VPS13C: variants seen among roughly 807,000 people sequenced by gnomAD.
VPS13C encodes vacuolar protein sorting 13 homolog C, also known as intermembrane lipid transfer protein VPS13C.
In VPS13C, 358 loss-of-function variants were observed where a neutral mutation model predicts 456.8. The ratio of observed to expected loss-of-function variants is 0.78; its 90% CI spans 0.72 to 0.86. The LOEUF (loss-of-function observed/expected upper bound fraction) is 0.86. Among genes scored for constraint, VPS13C ranks in the 40% least tolerant of loss-of-function variants. The pLI is 0.00. For synonymous variants in VPS13C, 1,578 were observed against 1,486.7 expected, an observed-to-expected ratio of 1.06 and a Z score of -1.41; for missense variants, 4,818 against 4,385.4, an observed-to-expected ratio of 1.10 and a Z score of -2.79.
rs750972158 is a variant in VPS13C at position 61,963,941 on chromosome 15, G to A, written c.3225C>T (p.Ser1075=). ...KNSTLPKAIV[S]SRDSDIIDFR... is the part of the protein sequence containing the mutation. ...AATCAATAATGTCACTATCTCTGGA[G>A]GATACAATCGCTAAAAATAAAACAA... The change falls in exon 32 of 85, where the codon TCC becomes TCT. Residue 1075 remains serine (S), a synonymous_variant. Coordinates refer to ENST00000644861, the MANE Select transcript of VPS13C (RefSeq NM_020821.3). 2 of 1,594,970 alleles carry A rather than the reference G, an allele frequency of 1.3e-6. No homozygotes were observed. Among genetic ancestry groups the A allele is most frequent in the African/African-American group, 2.7e-5 (2 of 74,260 alleles).
At chr15:62,040,948 GAAGGA>G (rs1401463115) in intron 3 of VPS13C, among the ~76,000 whole-genome samples, 1 of 152,064 alleles carries the variant, frequency 6.6e-6, no homozygotes, top group Non-Finnish European at 1.5e-5. Context: ...AACAAAACAT[GAAGGA>G]AATAAGCTAC....
chr15:61,854,673 A>G (rs1303031566), intron 84 of VPS13C, 115 bp from the exon 85 acceptor site: 3 of 1,153,108 alleles, frequency 2.6e-6, no homozygotes, highest in African/African-American at 3.1e-5. Flanking sequence ...ACAGCTAAGG[A>G]CCAAGGATAC....
intron 32 of VPS13C, among the ~76,000 whole-genome samples, chr15:61,963,466 T>C (rs75051100): frequency 0.055 from 8,397 of 151,692 alleles, 440 homozygotes; most frequent in African/African-American, 0.13. Context: ...ATAAAAATCA[T>C]ATGAAGGTAA....
At chr15:61,949,094 C>G (rs1401972093) in intron 42 of VPS13C, among the ~76,000 whole-genome samples, 1 of 152,130 alleles carries the variant, frequency 6.6e-6, no homozygotes, top group African/African-American at 2.4e-5. Context: ...CTGAAACGGG[C>G]CTTTGTGACC....
intron 81 of VPS13C, chr15:61,865,897 A>G: frequency 2.1e-6 from 2 of 970,968 alleles, no homozygotes; most frequent in Non-Finnish European, 2.4e-6. Flanking sequence ...ATATTAAAGA[A>G]TACAAAGTAG....
In VPS13C at chr15:61,941,923, T is replaced by C; in HGVS notation, c.5293A>G (p.Ile1765Val). Reference sequence around the variant, plus strand: ...GATACTGAAGACTGAGGAATAATAATAACTGGTGCTTTCAAATTAATATCC... The same window carrying C: ...GATACTGAAGACTGAGGAATAATAACAACTGGTGCTTTCAAATTAATATCC... Reference protein sequence around the residue: ...LMDINLKAPVIIIPQSSVSPN... With the variant: ...LMDINLKAPVVIIPQSSVSPN... The change falls in exon 46 of 85, where the codon ATT (isoleucine) becomes GTT (valine). Residue 1765 changes from isoleucine (I) to valine (V), a missense_variant. By Grantham distance (29) the Ile-to-Val change is conservative. This residue lies in a region of VPS13C where 4,552 missense variants were observed against 4,130.6 expected (regional missense o/e 1.10). Transcript: ENST00000644861. The C allele has an allele frequency of 6.2e-7, 1 of 1,614,020 alleles. No individual in the cohort carries two copies. The highest frequency in any genetic ancestry group is 8.5e-7 in the Non-Finnish European group (1 of 1,179,936).
chr15:61,989,115 G>C (rs977408652), intron 18 of VPS13C, among the ~76,000 whole-genome samples: 2 of 151,484 alleles, frequency 1.3e-5, no homozygotes, highest in African/African-American at 4.9e-5. Flanking sequence ...ATGGGGATGG[G>C]AGTGGTGGCT....
chr15:61,881,696 T>C, intron 70 of VPS13C, 51 bp downstream of exon 70: 4 of 1,601,354 alleles, frequency 2.5e-6, no homozygotes, highest in South Asian at 1.1e-5. Context: ...CTAATGCCTA[T>C]TTAACTTTTA....
chr15:61,930,681 A>C (rs1198889430), intron 50 of VPS13C, among the ~76,000 whole-genome samples: 5 of 152,234 alleles, frequency 3.3e-5, no homozygotes, highest in Non-Finnish European at 7.3e-5. Context: ...TAAAACTTTG[A>C]AAGAAATTTT....
intron 81 of VPS13C, chr15:61,865,694 ATATGTGTGTATATG>A (rs1465231920): frequency 8.0e-6 from 3 of 375,190 alleles, no homozygotes; most frequent in African/African-American, 2.2e-5. Context: ...ATGTGTATAT[ATATGTGTGTATATG>A]TATGTGTGTA....
rs1015600396 is a variant in VPS13C, at chr15:61,873,553, A to G, written c.10415-144T>C. 3 of 748,332 alleles carry G rather than the reference A, an allele frequency of 4.0e-6. No homozygotes were observed. In the African/African-American group the frequency reaches 5.3e-5, roughly 13 times the overall value. The allele number at this position is 748,332 out of a possible 1,614,324, so 46.4% of individuals were successfully genotyped here. ...AAAAGGAGACATACAAATGGCCAAC[A>G]AGTATATGAAAAAATGTTCAAGATC... On this transcript the variant is annotated intron_variant, in intron 77 of 84. Coordinates refer to ENST00000644861, the MANE Select transcript of VPS13C (RefSeq NM_020821.3).
rs185760837 is a variant in VPS13C, at chr15:61,873,560, T to C, written c.10415-151A>G. Reference sequence around the variant, plus strand: ...GACATACAAATGGCCAACAAGTATATGAAAAAATGTTCAAGATCAATAATC... The same window carrying C: ...GACATACAAATGGCCAACAAGTATACGAAAAAATGTTCAAGATCAATAATC... On this transcript the variant is annotated intron_variant, in intron 77 of 84. Transcript: ENST00000644861. 2.5e-3 allele frequency: 1,751 copies of C among 711,612 alleles called. 12 individuals are homozygous for C. Among genetic ancestry groups the C allele is most frequent in the Middle Eastern group, 2.1e-3 (6 of 2,842 alleles). 44.1% of individuals were successfully genotyped at this position (711,612 alleles called of 1,614,324 possible).
At chr15:61,890,531 A>C in intron 66 of VPS13C, 131 bp from the exon 67 acceptor site, 2 of 742,220 alleles carry the variant, frequency 2.7e-6, no homozygotes, top group Non-Finnish European at 4.3e-6. Flanking sequence ...TAACCATCAA[A>C]ATGACATAAA....
intron 14 of VPS13C, 21 bp downstream of exon 14, chr15:62,008,634 A>G (rs1396227245): frequency 4.5e-6 from 7 of 1,559,582 alleles, no homozygotes; most frequent in African/African-American, 1.4e-5. Flanking sequence ...CTCACAAAAC[A>G]AAAAACAAAT....
At chr15:61,934,361 T>C (rs372842843) in intron 48 of VPS13C, 30 bp from the exon 49 acceptor site, 13 of 1,247,610 alleles carry the variant, frequency 1.0e-5, no homozygotes, top group Non-Finnish European at 1.3e-5. Context: ...AGCTTTTAAG[T>C]AGGTACGTAA....
In VPS13C at chr15:61,985,808, T is replaced by C. The variant is rs145415686; in HGVS notation, c.1579-809A>G. ...AAACAGAGAACCAGGGAGATGATCC[T>C]GGAATTTGGGGACCTGTTTCTCCTA... On this transcript the variant is annotated intron_variant, in intron 18 of 84. Coordinates refer to ENST00000644861, the MANE Select transcript of VPS13C (RefSeq NM_020821.3). Among the ~76,000 whole-genome samples the C allele has an allele frequency of 6.7e-3, 1,015 of 152,194 alleles. 7 individuals carry two copies. The highest frequency in any genetic ancestry group is 0.01 in the Non-Finnish European group (710 of 68,016).
chr15:62,060,365 C>T lies in VPS13C; in HGVS notation c.10G>A (p.Glu4Lys). The T allele has an allele frequency of 6.3e-7, 1 of 1,583,262 alleles. No individual in the cohort carries two copies. The highest frequency in any genetic ancestry group is 8.6e-7 in the Non-Finnish European group (1 of 1,163,004). MVL[E>K]SVVADLLNRF... is the part of the protein sequence containing the mutation. ...TTCAGCAAGTCCGCGACCACCGACTCCAGCACCATGGTGGCGCTGAGGCAC... is the reference window on the plus strand; with the variant it reads ...TTCAGCAAGTCCGCGACCACCGACTTCAGCACCATGGTGGCGCTGAGGCAC... The change falls in exon 1 of 85, where the codon GAG (glutamate) becomes AAG (lysine). Residue 4 changes from glutamate to lysine, a missense_variant. By Grantham distance (56) the Glu-to-Lys change is moderately conservative (BLOSUM62 1). Transcript: ENST00000644861.
At chr15:61,897,430 A>C (rs1596306160) in intron 66 of VPS13C, among the ~76,000 whole-genome samples, 1 of 152,224 alleles carries the variant, frequency 6.6e-6, no homozygotes, top group South Asian at 2.1e-4. Flanking sequence ...GCTGAAAACC[A>C]AGGCTCGAGA....
At chr15:61,898,845 A>G (rs929045652) in intron 66 of VPS13C, among the ~76,000 whole-genome samples, 1 of 99,556 alleles carries the variant, frequency 1.0e-5, no homozygotes, top group African/African-American at 3.6e-5. Context: ...TTGACCACAT[A>G]CTTGGAAGTA....
Sources: allele counts gnomAD v4.1 joint callset (sites outside exome capture counted in the v4.1 genomes callset), GRCh38; gene constraint gnomAD v4.1.1; regional missense constraint gnomAD v4.1.1; transcripts MANE v1.5; gene names NCBI Gene and HGNC (gene_info 2026-07-23, HGNC 2026-07-21).